Variants in ADA2 observed in about 807,000 individuals in gnomAD.
The protein encoded by ADA2 is adenosine deaminase 2, also known as adenosine deaminase CECR1.
A neutral mutation model predicts 44.2 loss-of-function variants in ADA2; 29 were observed. The ratio of observed to expected loss-of-function variants is 0.66; its 90% CI spans 0.49 to 0.89. The LOEUF (loss-of-function observed/expected upper bound fraction) is 0.89, where lower values mean the gene tolerates loss of function less well. ADA2 is among the 40% of genes least tolerant of loss of function. The pLI is 0.00. For missense variants in ADA2, 637 were observed against 644.8 expected (o/e 0.99, Z 0.13); for synonymous variants, 215 against 234.9 (o/e 0.92, Z 0.77).
chr22:17,221,096 T>C (rs551070202), upstream of ADA2, among the ~76,000 whole-genome samples: 14 of 151,636 alleles, frequency 9.2e-5, no homozygotes, highest in South Asian at 2.3e-3. Context: ...TGAGCTGAGA[T>C]TGCACCATTG....
intron 4 of ADA2, among the ~76,000 whole-genome samples, chr22:17,202,783 T>TTTTC (rs1568983976): frequency 6.6e-6 from 1 of 151,590 alleles, no homozygotes; most frequent in African/African-American, 2.4e-5. Flanking sequence ...CTTTTTTTTT[T>TTTTC]TGTGTGTGTG....
At position 17,201,967 on chromosome 22, in the gene ADA2, C is replaced by CT. The variant is rs71200247; in HGVS notation, c.753+1595dup. Among the ~76,000 whole-genome samples the CT allele has an allele frequency of 3.2e-3, 325 of 103,090 alleles. 3 individuals are homozygous for CT. The highest frequency in any genetic ancestry group is 9.5e-3 in the East Asian group (33 of 3,490). The allele number at this position is 103,090 out of a possible 152,430, so 67.6% of individuals were successfully genotyped here. The stretch of plus-strand genomic sequence containing the variant: ...AAAATCAAATTTTTTTTTCTTTTTT[C>CT]TTTTTTTTTTTTTTTTTTTTTTGAG... On this transcript the variant is annotated intron_variant, in intron 4 of 9. Transcript: ENST00000399837.
rs536600507 is a variant in ADA2 at position 17,217,821 on chromosome 22, T to C, written c.-47+1535A>G. On this transcript the variant is annotated intron_variant, in intron 1 of 9. Transcript: ENST00000399837. ...AGACTCTGTCTCAAAAATAAATACG[T>C]AAATAAAATTTTTAAAATGAAAATA... Among the ~76,000 whole-genome samples, 232 of 152,156 alleles carry C rather than the reference T, an allele frequency of 1.5e-3. 3 individuals are homozygous for C. The highest frequency in any genetic ancestry group is 1.3e-3 in the Non-Finnish European group (85 of 67,988).
intron 4 of ADA2, chr22:17,199,659 CAGAG>C: frequency 1.2e-6 from 2 of 1,611,222 alleles, no homozygotes; most frequent in South Asian, 2.2e-5. Context: ...TTAGGACGCT[CAGAG>C]AGCCCAGCGC....
chr22:17,204,915 C>G (rs2123703391), intron 3 of ADA2, among the ~76,000 whole-genome samples: 1 of 152,044 alleles, frequency 6.6e-6, no homozygotes, highest in Admixed American at 6.6e-5. Flanking sequence ...TTATGTCAGC[C>G]CCCTGGGGTA....
intron 4 of ADA2, among the ~76,000 whole-genome samples, chr22:17,196,323 C>CA (rs34561761): frequency 0.39 from 33,504 of 86,434 alleles, 5,327 homozygotes; most frequent in East Asian, 0.64. Flanking sequence ...AACTCCATCC[C>CA]AAAAAAAAAA....
At position 17,209,696 on chromosome 22, in the gene ADA2, A is replaced by G. The variant is rs1329241557; in HGVS notation, c.-19T>C. 6.9e-6 allele frequency: 11 copies of G among 1,604,150 alleles called. No individual in the cohort carries two copies. Among genetic ancestry groups the G allele is most frequent in the African/African-American group, 1.3e-5 (1 of 74,774 alleles). On this transcript the variant is annotated 5_prime_UTR_variant, in exon 2 of 10. Transcript: ENST00000399837. Reference sequence around the variant, plus strand: ...CCAACATCGGGATGCCTGGACTAGGAAAGGGCTCAGATGGAGACTCCACGG... The same window carrying G: ...CCAACATCGGGATGCCTGGACTAGGGAAGGGCTCAGATGGAGACTCCACGG...
At chr22:17,182,071 G>T (rs768936654) in intron 8 of ADA2, 49 bp from the exon 9 acceptor site, 31 of 1,483,530 alleles carry the variant, frequency 2.1e-5, no homozygotes, top group Non-Finnish European at 2.8e-5. Flanking sequence ...TCCCTAAAAA[G>T]AGTAGTCACA....
intron 4 of ADA2, among the ~76,000 whole-genome samples, chr22:17,198,162 G>GC (rs1193226785): frequency 1.3e-5 from 2 of 152,124 alleles, no homozygotes; most frequent in Non-Finnish European, 2.9e-5. Context: ...GGAGGCCCCT[G>GC]CCCCCTCCTG....
In ADA2 at chr22:17,181,924, A is replaced by C; in HGVS notation, c.1338T>G (p.Phe446Leu). 1.2e-6 allele frequency: 2 copies of C among 1,614,152 alleles called. No homozygotes were observed. The highest frequency in any genetic ancestry group is 1.7e-6 in the Non-Finnish European group (2 of 1,180,016). ...MVISSDDPAM[F>L]GAKGLSYDFY... is the part of the protein sequence containing the mutation. ...AATCATAGGACAAGCCTTTGGCACC[A>C]AACATAGCTGGGTCATCAGAGCTGA... Residue 446 changes from phenylalanine to leucine, a missense_variant, in exon 9 of 10, where the codon TTT becomes TTG. Transcript: ENST00000399837.
intron 4 of ADA2, among the ~76,000 whole-genome samples, chr22:17,202,659 C>A (rs1403410031): frequency 6.6e-6 from 1 of 152,156 alleles, no homozygotes; most frequent in Non-Finnish European, 1.5e-5. Context: ...CCTGTGGTTC[C>A]CTCCAGCTAT....
At chr22:17,214,504 G>A (rs1420175197) in intron 1 of ADA2, among the ~76,000 whole-genome samples, 1 of 152,250 alleles carries the variant, frequency 6.6e-6, no homozygotes, top group Non-Finnish European at 1.5e-5. Context: ...CCAGCCAGCT[G>A]TCTTCTCCAG....
At chr22:17,213,899 C>T (rs1376615176) in intron 1 of ADA2, 1 of 308,162 alleles carries the variant, frequency 3.2e-6, no homozygotes, top group Non-Finnish European at 6.3e-6. Flanking sequence ...ATTAGCTGGG[C>T]GTGGTGGTGT....
At chr22:17,204,049 T>C (rs1044648040) in intron 3 of ADA2, among the ~76,000 whole-genome samples, 1 of 152,192 alleles carries the variant, frequency 6.6e-6, no homozygotes, top group Non-Finnish European at 1.5e-5. Context: ...TCCTGGCTCC[T>C]GTCCTCCCTC....
rs11704850 is a variant in ADA2, at chr22:17,181,045, A to T, written c.*438T>A. On this transcript the variant is annotated 3_prime_UTR_variant, in exon 10 of 10. Transcript: ENST00000399837. The stretch of plus-strand genomic sequence containing the variant: ...TCCAACTACTCGCGAGGCTGATGCA[A>T]GAGAATTGCCTGAACCCGGGTGGCG... 36,730 of 153,680 alleles carry T rather than the reference A, an allele frequency of 0.24. 4,685 individuals carry two copies. Among genetic ancestry groups the T allele is most frequent in the Non-Finnish European group, 0.28 (19,263 of 69,106 alleles). The allele number at this position is 153,680 out of a possible 1,614,324, so 9.5% of individuals were successfully genotyped here.
chr22:17,212,135 C>A (rs1042616093), intron 1 of ADA2, among the ~76,000 whole-genome samples: 1 of 151,878 alleles, frequency 6.6e-6, no homozygotes, highest in Non-Finnish European at 1.5e-5. Context: ...AGCGATTCTC[C>A]TGCCTCAGCC....
chr22:17,205,939 G>GA (rs1364135260), intron 3 of ADA2, among the ~76,000 whole-genome samples: 18 of 152,324 alleles, frequency 1.2e-4, no homozygotes, highest in African/African-American at 4.3e-4. Context: ...GGTTGAGTCT[G>GA]AAGTGAGCCG....
chr22:17,195,371 A>G (rs1433275982), intron 4 of ADA2, among the ~76,000 whole-genome samples: 2 of 151,954 alleles, frequency 1.3e-5, no homozygotes, highest in Non-Finnish European at 2.9e-5. Context: ...TCTACTAAAA[A>G]TACAACAATT....
chr22:17,199,716 G>A, intron 4 of ADA2: 1 of 1,538,940 alleles, frequency 6.5e-7, no homozygotes, highest in Non-Finnish European at 8.8e-7. Context: ...TCTGGGTCCA[G>A]CCACCCCTTA....
Sources: allele counts gnomAD v4.1 joint callset (sites outside exome capture counted in the v4.1 genomes callset), GRCh38; gene constraint gnomAD v4.1.1; transcripts MANE v1.5; gene names NCBI Gene and HGNC (gene_info 2026-07-23, HGNC 2026-07-21).